The following SF3A2 variants were observed in gnomAD, a reference collection of about 807,000 sequenced individuals.
SF3A2 encodes the protein SAP 62.
In SF3A2, 5 loss-of-function variants were observed where a neutral mutation model predicts 31.1. The ratio of observed to expected loss-of-function variants is 0.16; its 90% CI spans 0.08 to 0.34. The LOEUF (loss-of-function observed/expected upper bound fraction) is 0.34. Among genes scored for constraint, SF3A2 ranks in the 10% least tolerant of loss-of-function variants. The pLI, the probability that SF3A2 is intolerant of heterozygous loss-of-function variation, is 1.00. For synonymous variants in SF3A2, 365 were observed against 263.7 expected, an observed-to-expected ratio of 1.38 and a Z score of -3.72; for missense variants, 577 against 643.9, an observed-to-expected ratio of 0.90 and a Z score of 1.13.
chr19:2,243,906 G>A (rs903387429), intron 2 of SF3A2, among the ~76,000 whole-genome samples: 10 of 152,206 alleles, frequency 6.6e-5, no homozygotes, highest in Non-Finnish European at 1.0e-4. Context: ...CCTCAGCACC[G>A]TGGACATCGG....
chr19:2,245,560 G>A lies in SF3A2; in HGVS notation c.355+5G>A. 6.5e-7 allele frequency: 1 copy of A among 1,546,170 alleles called. No homozygotes were observed. Among genetic ancestry groups the A allele is most frequent in the South Asian group, 1.2e-5 (1 of 83,956 alleles). Reference sequence around the variant, plus strand: ...TCGGCCGCCCGGGCTACAAAGGTGAGTCTGCCCGCAGCGGGGCCGGCCACA... The same window carrying A: ...TCGGCCGCCCGGGCTACAAAGGTGAATCTGCCCGCAGCGGGGCCGGCCACA... On this transcript the variant is annotated splice_donor_5th_base_variant and intron_variant, in intron 5 of 8. Transcript: ENST00000221494. This position sits in a 1 kb window ranked among gnomAD's most constrained non-coding sequence, Gnocchi z 4.2.
In SF3A2 at chr19:2,248,306, C is replaced by A; in HGVS notation, c.1155C>A (p.Ala385=). 1.4e-6 allele frequency: 2 copies of A among 1,388,360 alleles called. No homozygotes were observed. The highest frequency in any genetic ancestry group is 1.9e-6 in the Non-Finnish European group (2 of 1,071,448). The allele number at this position is 1,388,360 out of a possible 1,614,324, so 86.0% of individuals were successfully genotyped here. ...QAPGVHPAAP[A]VHPQAPGVHP... is the part of the protein sequence containing the mutation. ...CGGGGGTGCACCCAGCAGCCCCCGCCGTTCACCCTCAGGCCCCAGGGGTGC... is the reference window on the plus strand; with the variant it reads ...CGGGGGTGCACCCAGCAGCCCCCGCAGTTCACCCTCAGGCCCCAGGGGTGC... The change falls in exon 9 of 9, where the codon GCC becomes GCA. Residue 385 remains alanine, a synonymous_variant. Transcript: ENST00000221494.
rs868141360 is a variant in SF3A2, at chr19:2,246,180, C to T, written c.356-573C>T. On this transcript the variant is annotated intron_variant, in intron 5 of 8. Transcript: ENST00000221494. This position sits in a 1 kb window ranked among gnomAD's most constrained non-coding sequence, Gnocchi z 5.5. ...ACCGGGTGGGCGAGGGTGGCTAGAGCGGCAGGCTCCTGGTGGGGAGGCCCT... is the reference window on the plus strand; with the variant it reads ...ACCGGGTGGGCGAGGGTGGCTAGAGTGGCAGGCTCCTGGTGGGGAGGCCCT... Among the ~76,000 whole-genome samples, 8 of 152,136 alleles carry T rather than the reference C, an allele frequency of 5.3e-5. No homozygotes were observed. The highest frequency in any genetic ancestry group is 1.9e-4 in the East Asian group (1 of 5,200).
intron 1 of SF3A2, among the ~76,000 whole-genome samples, chr19:2,239,451 C>T (rs2024870311): frequency 1.3e-5 from 2 of 151,698 alleles, no homozygotes; most frequent in Non-Finnish European, 2.9e-5. Flanking sequence ...AGATCAGTTC[C>T]TATGCTGGTT....
chr19:2,243,988 C>T (rs1003353667), intron 2 of SF3A2, among the ~76,000 whole-genome samples: 1 of 152,182 alleles, frequency 6.6e-6, no homozygotes, highest in Non-Finnish European at 1.5e-5. Flanking sequence ...TGTTACCGTC[C>T]CCGTCTTCCA....
intron 1 of SF3A2, among the ~76,000 whole-genome samples, chr19:2,241,049 G>A (rs1029602178): frequency 5.3e-5 from 8 of 152,214 alleles, no homozygotes; most frequent in Non-Finnish European, 1.0e-4. Flanking sequence ...TGGGGGTAGA[G>A]ACCAGTGATG....
rs1370694713 is a variant in SF3A2 at position 2,245,058 on chromosome 19, C to T, written c.245+279C>T. 4 of 540,708 alleles carry T rather than the reference C, an allele frequency of 7.4e-6. No individual in the cohort carries two copies. The highest frequency in any genetic ancestry group is 3.3e-5 in the Admixed American group (1 of 30,454). 33.5% of individuals were successfully genotyped at this position (540,708 alleles called of 1,614,324 possible). A position where few individuals can be genotyped will look rare whatever the true frequency, so the allele number is the denominator to read the frequency against. On this transcript the variant is annotated intron_variant, in intron 4 of 8. Coordinates refer to ENST00000221494, the MANE Select transcript of SF3A2 (RefSeq NM_007165.5). The surrounding 1 kb of genome is among the most constrained non-coding windows in gnomAD (Gnocchi z 4.2). ...AAATTAGGCCAGGCATGGTGGCACA[C>T]GTCTGTAATCACAGCTACTATGGAG...
At position 2,248,138 on chromosome 19, in the gene SF3A2, C is replaced by A; in HGVS notation, c.987C>A (p.Val329=). Residue 329 remains valine, a synonymous_variant, in exon 9 of 9, where the codon GTC becomes GTA. Coordinates refer to ENST00000221494, the MANE Select transcript of SF3A2 (RefSeq NM_007165.5). ...GGGTCCACCCACCAACCTCTGGGGT[C>A]CACCCCCCAGCTCCTGGAGTCCACC... ...APGVHPPTSG[V]HPPAPGVHPP... The A allele has an allele frequency of 2.9e-6, 4 of 1,394,742 alleles. No homozygotes were observed. Among genetic ancestry groups the A allele is most frequent in the Non-Finnish European group, 3.9e-6 (4 of 1,015,560 alleles). 86.4% of individuals were successfully genotyped at this position (1,394,742 alleles called of 1,614,324 possible).
chr19:2,243,687 G>A (rs1447598931), intron 2 of SF3A2, 143 bp downstream of exon 2: 18 of 956,226 alleles, frequency 1.9e-5, no homozygotes, highest in South Asian at 2.1e-5. Context: ...TGTTGCCCCC[G>A]AGCAGCCACA....
Position 2,246,874 on chromosome 19 carries a change from C to T in SF3A2, c.406-8C>T, listed in dbSNP as rs1425225049. On this transcript the variant is annotated splice_region_variant and splice_polypyrimidine_tract_variant and intron_variant, in intron 6 of 8. Transcript: ENST00000221494. The surrounding 1 kb of genome is among the most constrained non-coding windows in gnomAD (Gnocchi z 5.5). Reference sequence around the variant, plus strand: ...AGGCGGCTCTGCCACCCGGCCGTGTCCCTGCAGATTGACTACCCTGAGATC... The same window carrying T: ...AGGCGGCTCTGCCACCCGGCCGTGTTCCTGCAGATTGACTACCCTGAGATC... The T allele has an allele frequency of 7.4e-6, 12 of 1,612,314 alleles. No homozygotes were observed. Among genetic ancestry groups the T allele is most frequent in the South Asian group, 4.4e-5 (4 of 91,008 alleles).
Position 2,244,792 on chromosome 19 carries a change from T to TAG in SF3A2, c.245+13_245+14insAG, listed in dbSNP as rs746329546. The TAG allele has an allele frequency of 6.4e-5, 104 of 1,612,624 alleles. No individual in the cohort carries two copies. The highest frequency in any genetic ancestry group is 7.5e-5 in the Non-Finnish European group (88 of 1,179,096). On this transcript the variant is annotated intron_variant, in intron 4 of 8. Transcript: ENST00000221494. ...ACCAGACCAACCTGTGAGTACCTCA[T>TAG]GTCCCTTTGATGCCTGGTGCTCCAG...
chr19:2,238,801 A>G (rs754924087), intron 1 of SF3A2, among the ~76,000 whole-genome samples: 1 of 152,174 alleles, frequency 6.6e-6, no homozygotes, highest in Non-Finnish European at 1.5e-5. Flanking sequence ...AGACCCCCTT[A>G]TCCTCCTCCT....
At position 2,243,434 on chromosome 19, in the gene SF3A2, C is replaced by T. The variant is rs1395956487; in HGVS notation, c.16C>T (p.Arg6Cys). 6.5e-7 allele frequency: 1 copy of T among 1,546,182 alleles called. No homozygotes were observed. Among genetic ancestry groups the T allele is most frequent in the Non-Finnish European group, 8.7e-7 (1 of 1,152,842 alleles). ...GGCCATCACCATGGACTTCCAGCATCGCCCCGGGGGCAAGACCGGGAGCGG... is the reference window on the plus strand; with the variant it reads ...GGCCATCACCATGGACTTCCAGCATTGCCCCGGGGGCAAGACCGGGAGCGG... MDFQH[R>C]PGGKTGSGGV... The change falls in exon 2 of 9, where the codon CGC becomes TGC. Residue 6 changes from arginine to cysteine, a missense_variant. Around this residue, in one of 6 missense-constraint regions of SF3A2, gnomAD observed 40 missense variants for 50.0 expected, o/e 0.80. Transcript: ENST00000221494.
intron 1 of SF3A2, among the ~76,000 whole-genome samples, chr19:2,237,142 G>GC (rs1462191146): frequency 2.0e-5 from 3 of 152,046 alleles, no homozygotes; most frequent in Non-Finnish European, 4.4e-5. Context: ...GGGAGGCCGC[G>GC]CGCGGGGCCT....
chr19:2,245,166 A>C lies in SF3A2; in HGVS notation c.246-280A>C, dbSNP rs1321615868. On this transcript the variant is annotated intron_variant, in intron 4 of 8. Coordinates refer to ENST00000221494, the MANE Select transcript of SF3A2 (RefSeq NM_007165.5). This position sits in a 1 kb window ranked among gnomAD's most constrained non-coding sequence, Gnocchi z 4.2. ...GCCACTGTACTCCATCCTGGGCGAC[A>C]GAGTGAGACTCTTGTCTTATTAAAA... 4.1e-6 allele frequency: 2 copies of C among 490,684 alleles called. No individual in the cohort carries two copies. Among genetic ancestry groups the C allele is most frequent in the East Asian group, 6.5e-5 (2 of 30,622 alleles). The allele number at this position is 490,684 out of a possible 1,614,324, so 30.4% of individuals were successfully genotyped here.
chr19:2,242,183 G>A (rs542086492), intron 1 of SF3A2, among the ~76,000 whole-genome samples: 22 of 142,032 alleles, frequency 1.5e-4, no homozygotes, highest in African/African-American at 5.5e-4. Flanking sequence ...GCACACCTGC[G>A]GCCACTGTGC....
chr19:2,247,459 G>A (rs527992105), intron 7 of SF3A2, 135 bp from the exon 8 acceptor site: 94 of 815,678 alleles, frequency 1.2e-4, no homozygotes, highest in African/African-American at 1.1e-3. Context: ...TGTGCCCCAC[G>A]AAAGTCTTAC....
At chr19:2,247,370 C>T (rs1032347660) in intron 7 of SF3A2, among the ~76,000 whole-genome samples, 1 of 152,188 alleles carries the variant, frequency 6.6e-6, no homozygotes, top group Non-Finnish European at 1.5e-5. Flanking sequence ...ACAAATAATA[C>T]AAACGGTGAC....
Position 2,242,141 on chromosome 19 carries a change from C to G in SF3A2, c.-37-1241C>G, listed in dbSNP as rs538262287. 2.2e-3 allele frequency among the ~76,000 whole-genome samples: 311 copies of G among 138,502 alleles called. 6 individuals are homozygous for G. The highest frequency in any genetic ancestry group is 6.5e-3 in the African/African-American group (223 of 34,082). The allele number at this position is 138,502 out of a possible 152,430, so 90.9% of individuals were successfully genotyped here. ...CCTCAGCGTGCCCCTGCACACCTGC[C>G]GCCACTGTGGCCTGTCCCTCAGCGT... On this transcript the variant is annotated intron_variant, in intron 1 of 8. Coordinates refer to ENST00000221494, the MANE Select transcript of SF3A2 (RefSeq NM_007165.5).
Sources: allele counts gnomAD v4.1 joint callset (sites outside exome capture counted in the v4.1 genomes callset), GRCh38; gene constraint gnomAD v4.1.1; regional missense constraint gnomAD v4.1.1; non-coding constraint Gnocchi (gnomAD v3.1); transcripts MANE v1.5; gene names NCBI Gene and HGNC (gene_info 2026-07-23, HGNC 2026-07-21).